FNDC3B: variants seen among roughly 807,000 people sequenced by gnomAD.
FNDC3B encodes the protein fibronectin type III domain-containing protein 3B.
In FNDC3B, 12 loss-of-function variants were observed where a neutral mutation model predicts 151.5. The observed-to-expected ratio is 0.08, with a 90% CI of 0.05 to 0.13. The LOEUF (loss-of-function observed/expected upper bound fraction) is 0.13. Ranked by LOEUF, FNDC3B falls within the 10% of genes least tolerant of loss-of-function variation. The pLI, the probability that FNDC3B is intolerant of heterozygous loss-of-function variation, is 1.00. For synonymous variants in FNDC3B, 528 were observed against 549.0 expected (o/e 0.96, Z 0.54); for missense variants, 1,214 against 1,505.3 (o/e 0.81, Z 3.20).
intron 11 of FNDC3B, among the ~76,000 whole-genome samples, chr3:172,323,879 T>G (rs1266260047): frequency 6.6e-6 from 1 of 152,182 alleles, no homozygotes; most frequent in Non-Finnish European, 1.5e-5. Flanking sequence ...AGGATGAGGA[T>G]GAAGCAAAGG....
chr3:172,286,041 CTT>C (rs67373503), intron 7 of FNDC3B, 57 bp downstream of exon 7: 15,056 of 1,043,254 alleles, frequency 0.014, 2 homozygotes, highest in South Asian at 0.025. Context: ...TTCAAATGTG[CTT>C]TTTTTTTTTT....
intron 25 of FNDC3B, among the ~76,000 whole-genome samples, chr3:172,388,571 C>T (rs868202198): frequency 6.6e-6 from 1 of 152,208 alleles, no homozygotes; most frequent in Non-Finnish European, 1.5e-5. Context: ...GGACACAAAG[C>T]GTGGCCTGCT....
chr3:172,388,005 A>G (rs1485760246), intron 25 of FNDC3B, among the ~76,000 whole-genome samples: 2 of 152,236 alleles, frequency 1.3e-5, no homozygotes, highest in Admixed American at 1.3e-4. Flanking sequence ...ATAGTCATGT[A>G]ATTCTGGAGG....
intron 4 of FNDC3B, among the ~76,000 whole-genome samples, chr3:172,229,015 T>C (rs1726737709): frequency 6.6e-6 from 1 of 151,548 alleles, no homozygotes; most frequent in Non-Finnish European, 1.5e-5. Context: ...TAAAATGTCT[T>C]AGTTGTCTTG....
At chr3:172,121,554 A>C (rs1720546307) in intron 2 of FNDC3B, among the ~76,000 whole-genome samples, 1 of 152,232 alleles carries the variant, frequency 6.6e-6, no homozygotes, top group African/African-American at 2.4e-5. Context: ...AGGAGACATT[A>C]AACACAGATG....
chr3:172,273,029 G>A (rs1367537146), intron 6 of FNDC3B, among the ~76,000 whole-genome samples: 1 of 151,990 alleles, frequency 6.6e-6, no homozygotes, highest in East Asian at 1.9e-4. Context: ...TGTAACTCTG[G>A]GCAAGTACGA....
chr3:172,093,274 T>C (rs1718929862), intron 1 of FNDC3B, among the ~76,000 whole-genome samples: 1 of 151,298 alleles, frequency 6.6e-6, no homozygotes, highest in South Asian at 2.1e-4. Flanking sequence ...TTTTTTTTTT[T>C]TTGAGACGGA....
chr3:172,330,843 C>T (rs939775638), intron 13 of FNDC3B, 128 bp downstream of exon 13: 19 of 666,898 alleles, frequency 2.8e-5, no homozygotes, highest in Non-Finnish European at 4.3e-5. Flanking sequence ...GCCTCTGTCA[C>T]CACCACTACC....
Position 172,344,258 on chromosome 3 carries a change from G to A in FNDC3B, c.2250G>A (p.Gly750=), listed in dbSNP as rs780955280. 6.2e-7 allele frequency: 1 copy of A among 1,613,272 alleles called. No individual in the cohort carries two copies. The highest frequency in any genetic ancestry group is 8.5e-7 in the Non-Finnish European group (1 of 1,179,574). ...GGGTGAGGGCTCTGAATGATGGAGGGGTGAGTATAAGCCCATACACCATAA... is the reference window on the plus strand; with the variant it reads ...GGGTGAGGGCTCTGAATGATGGAGGAGTGAGTATAAGCCCATACACCATAA... The part of the protein sequence containing the change: ...RFRVRALNDG[G]YGPYSDVSEI... The change falls in exon 19 of 26, where the codon GGG becomes GGA. Residue 750 remains glycine, a splice_region_variant and synonymous_variant. Coordinates refer to ENST00000415807, the MANE Select transcript of FNDC3B (RefSeq NM_022763.4).
At chr3:172,179,138 T>G (rs978328883) in intron 3 of FNDC3B, among the ~76,000 whole-genome samples, 5 of 152,102 alleles carry the variant, frequency 3.3e-5, no homozygotes, top group Non-Finnish European at 7.4e-5. Context: ...CTTAGCCCAC[T>G]GCAAAGTCCG....
intron 3 of FNDC3B, among the ~76,000 whole-genome samples, chr3:172,183,648 C>G (rs1724028899): frequency 6.6e-6 from 1 of 152,188 alleles, no homozygotes; most frequent in Non-Finnish European, 1.5e-5. Flanking sequence ...TCTTACATAG[C>G]AGTTTATATG....
At chr3:172,240,669 C>A (rs1727447859) in intron 4 of FNDC3B, among the ~76,000 whole-genome samples, 2 of 152,144 alleles carry the variant, frequency 1.3e-5, no homozygotes, top group Admixed American at 1.3e-4. Context: ...CCTTGGTTTT[C>A]TTCATCTAAA....
intron 1 of FNDC3B, among the ~76,000 whole-genome samples, chr3:172,065,267 G>A (rs1717436405): frequency 6.6e-6 from 1 of 152,224 alleles, no homozygotes; most frequent in Non-Finnish European, 1.5e-5. Context: ...GGGAGGCGGA[G>A]GTTGCAGTGA....
chr3:172,063,071 T>A (rs1438876801), intron 1 of FNDC3B, among the ~76,000 whole-genome samples: 1 of 152,228 alleles, frequency 6.6e-6, no homozygotes, highest in Non-Finnish European at 1.5e-5. Flanking sequence ...TCTTTACACG[T>A]ATCTTTTCTC....
chr3:172,215,098 T>G lies in FNDC3B; in HGVS notation c.188-11773T>G, dbSNP rs115858029. Among the ~76,000 whole-genome samples, 617 of 152,384 alleles carry G rather than the reference T, an allele frequency of 4.0e-3. 3 individuals carry two copies. Among genetic ancestry groups the G allele is most frequent in the African/African-American group, 0.014 (584 of 41,596 alleles). On this transcript the variant is annotated intron_variant, in intron 3 of 25. Coordinates refer to ENST00000415807, the MANE Select transcript of FNDC3B (RefSeq NM_022763.4). ...AGCTTGTGAGGAGTACAATGACATTTTGTTGTCTGGTTAATAATTTCAGCA... is the reference window on the plus strand; with the variant it reads ...AGCTTGTGAGGAGTACAATGACATTGTGTTGTCTGGTTAATAATTTCAGCA...
chr3:172,165,216 C>T (rs1722952167), intron 3 of FNDC3B, among the ~76,000 whole-genome samples: 1 of 152,146 alleles, frequency 6.6e-6, no homozygotes, highest in South Asian at 2.1e-4. Context: ...CACCATGTTG[C>T]CCAGGCTGGT....
intron 2 of FNDC3B, among the ~76,000 whole-genome samples, chr3:172,126,120 C>T (rs754572982): frequency 6.6e-6 from 1 of 152,036 alleles, no homozygotes; most frequent in Non-Finnish European, 1.5e-5. Context: ...AAAGAAGTCA[C>T]AGTGTGCCTG....
chr3:172,322,345 A>T (rs1478332867), intron 11 of FNDC3B, among the ~76,000 whole-genome samples: 1 of 152,234 alleles, frequency 6.6e-6, no homozygotes, highest in African/African-American at 2.4e-5. Context: ...ATCGAAAATC[A>T]GGTGTCCCAG....
chr3:172,359,014 G>GTGGTGA (rs1560098685), intron 22 of FNDC3B, among the ~76,000 whole-genome samples: 18 of 129,418 alleles, frequency 1.4e-4, no homozygotes, highest in African/African-American at 3.9e-4. Context: ...GGTGGTGGTG[G>GTGGTGA]TGGTGATGGT....
Sources: allele counts gnomAD v4.1 joint callset (sites outside exome capture counted in the v4.1 genomes callset), GRCh38; gene constraint gnomAD v4.1.1; transcripts MANE v1.5; gene names NCBI Gene and HGNC (gene_info 2026-07-23, HGNC 2026-07-21).